ALMS1: variants seen among roughly 807,000 people sequenced by gnomAD.
The protein encoded by ALMS1 is ALMS1 centrosome and basal body associated protein, also known as centrosome-associated protein ALMS1.
ALMS1 carries 271 observed loss-of-function variants against 352.2 expected under a neutral mutation model. That is an observed-to-expected ratio of 0.77 (90% CI 0.70 to 0.85). The LOEUF (loss-of-function observed/expected upper bound fraction) is 0.85. Ranked by LOEUF, ALMS1 falls within the 40% of genes least tolerant of loss-of-function variation. ALMS1 has a pLI of 0.00. For missense variants in ALMS1, 5,445 were observed against 4,870.7 expected, an observed-to-expected ratio of 1.12 and a Z score of -3.51; for synonymous variants, 1,865 against 1,761.2, an observed-to-expected ratio of 1.06 and a Z score of -1.48.
chr2:73,530,599 C>A (rs1673888229), intron 11 of ALMS1, among the ~76,000 whole-genome samples: 1 of 152,186 alleles, frequency 6.6e-6, no homozygotes, highest in Admixed American at 6.5e-5. Context: ...AGGATGGTGG[C>A]CCTCTTCTCA....
At chr2:73,601,049 AG>A (rs780828384) in intron 18 of ALMS1, 145 bp from the exon 19 acceptor site, 902 of 1,440,184 alleles carry the variant, frequency 6.3e-4, no homozygotes, top group Non-Finnish European at 7.9e-4. Flanking sequence ...TCATCCCTGC[AG>A]CAAAACCAGA....
intron 9 of ALMS1, among the ~76,000 whole-genome samples, chr2:73,474,946 C>G (rs1672553472): frequency 6.6e-6 from 1 of 152,112 alleles, no homozygotes; most frequent in Non-Finnish European, 1.5e-5. Context: ...CACTTTCTCT[C>G]CCAATTCTTT....
intron 12 of ALMS1, 91 bp downstream of exon 12, chr2:73,535,040 C>T (rs1288900732): frequency 2.0e-6 from 3 of 1,527,130 alleles, no homozygotes; most frequent in South Asian, 1.1e-5. Context: ...GTCCAGTGCT[C>T]TTTAATTTTT....
At position 73,543,288 on chromosome 2, in the gene ALMS1, G is replaced by A. The variant is rs191762380; in HGVS notation, c.9908-6979G>A. On this transcript the variant is annotated intron_variant, in intron 12 of 22. Transcript: ENST00000613296. The stretch of plus-strand genomic sequence containing the variant: ...GGAAAGGATTCCCTATTTAATAAAT[G>A]GTGCTGGGAAAGCTGCCTAGCCATA... Among the ~76,000 whole-genome samples, 7 of 152,234 alleles carry A rather than the reference G, an allele frequency of 4.6e-5. No homozygotes were observed. The East Asian group carries it at 1.3e-3, about 29-fold the overall frequency.
At chr2:73,493,374 C>G (rs1673032184) in intron 10 of ALMS1, among the ~76,000 whole-genome samples, 1 of 149,414 alleles carries the variant, frequency 6.7e-6, no homozygotes. Flanking sequence ...CACACACACA[C>G]ACAGATGCAT....
chr2:73,489,582 T>C, intron 9 of ALMS1, 52 bp from the exon 10 acceptor site: 7 of 1,602,880 alleles, frequency 4.4e-6, no homozygotes, highest in African/African-American at 1.3e-5. Context: ...CTGATTTGTT[T>C]ATAACTACTT....
At chr2:73,585,090 A>G (rs1675279313) in intron 16 of ALMS1, among the ~76,000 whole-genome samples, 1 of 152,156 alleles carries the variant, frequency 6.6e-6, no homozygotes, top group Non-Finnish European at 1.5e-5. Flanking sequence ...ATAAACATGC[A>G]TGTGCAAGTA....
chr2:73,516,240 A>G (rs543467588), intron 10 of ALMS1, among the ~76,000 whole-genome samples: 38 of 152,342 alleles, frequency 2.5e-4, no homozygotes, highest in African/African-American at 7.5e-4. Flanking sequence ...GAAAACCACA[A>G]TGAGATACCA....
chr2:73,465,844 CAAAAG>C (rs1672328530), intron 9 of ALMS1, among the ~76,000 whole-genome samples: 1 of 152,192 alleles, frequency 6.6e-6, no homozygotes, highest in South Asian at 2.1e-4. Flanking sequence ...AGACACTTCT[CAAAAG>C]AAGACATTTA....
chr2:73,529,069 A>ATTTTTTTTTTTTTT, intron 11 of ALMS1, among the ~76,000 whole-genome samples: 1 of 98,182 alleles, frequency 1.0e-5, no homozygotes, highest in Non-Finnish European at 1.9e-5. Flanking sequence ...TTTGAGATGG[A>ATTTTTTTTTTTTTT]CTCTTGCTCT....
intron 10 of ALMS1, among the ~76,000 whole-genome samples, chr2:73,495,744 C>T (rs1269275387): frequency 6.6e-6 from 1 of 152,048 alleles, no homozygotes; most frequent in East Asian, 1.9e-4. Flanking sequence ...ATCATGTGTC[C>T]ATATTGATAC....
intron 1 of ALMS1, among the ~76,000 whole-genome samples, chr2:73,393,530 A>C (rs1385930791): frequency 6.6e-6 from 1 of 152,128 alleles, no homozygotes; most frequent in Non-Finnish European, 1.5e-5. Context: ...TGTACTCATT[A>C]AGTAATTTCT....
At chr2:73,504,900 G>A (rs943939619) in intron 10 of ALMS1, among the ~76,000 whole-genome samples, 5 of 151,902 alleles carry the variant, frequency 3.3e-5, no homozygotes, top group South Asian at 2.1e-4. Flanking sequence ...CCCACAACAG[G>A]CCCCAGTGTG....
intron 9 of ALMS1, among the ~76,000 whole-genome samples, chr2:73,481,380 T>C (rs1291855070): frequency 6.6e-6 from 1 of 152,182 alleles, no homozygotes; most frequent in Non-Finnish European, 1.5e-5. Flanking sequence ...AAAGATCAGA[T>C]AGTTGTAGAT....
chr2:73,457,491 C>T (rs1672091869), intron 9 of ALMS1, among the ~76,000 whole-genome samples: 2 of 152,156 alleles, frequency 1.3e-5, no homozygotes, highest in South Asian at 2.1e-4. Flanking sequence ...GATCCGCCTG[C>T]CTCGGCCTCC....
At chr2:73,461,683 AT>A (rs969143039) in intron 9 of ALMS1, among the ~76,000 whole-genome samples, 1 of 152,164 alleles carries the variant, frequency 6.6e-6, no homozygotes, top group Non-Finnish European at 1.5e-5. Flanking sequence ...ATTCAAACCA[AT>A]GGCAAAGAAG....
chr2:73,442,712 T>G (rs1036486524), intron 7 of ALMS1, among the ~76,000 whole-genome samples: 1 of 152,170 alleles, frequency 6.6e-6, no homozygotes, highest in Admixed American at 6.5e-5. Context: ...AAACAATGCT[T>G]TGTGCAAGAA....
chr2:73,486,101 C>G (rs1198357786), intron 9 of ALMS1, among the ~76,000 whole-genome samples: 2 of 151,856 alleles, frequency 1.3e-5, no homozygotes, highest in African/African-American at 4.8e-5. Context: ...TCCTGTCCCT[C>G]TTTTGCCCAT....
At chr2:73,538,914 A>G (rs190037476) in intron 12 of ALMS1, among the ~76,000 whole-genome samples, 1,570 of 152,226 alleles carry the variant, frequency 0.01, 37 homozygotes, top group African/African-American at 0.036. Flanking sequence ...AGCCCACCAT[A>G]CCTCAAGGAT....
Sources: gnomAD v4.1 joint callset for allele counts (sites outside exome capture counted in the v4.1 genomes callset) on GRCh38, gnomAD v4.1.1 for gene constraint, MANE v1.5 for transcripts, NCBI Gene and HGNC (gene_info 2026-07-23, HGNC 2026-07-21) for gene names.